KCNQ1: variants seen among roughly 807,000 people sequenced by gnomAD.
The protein encoded by KCNQ1 is potassium voltage-gated channel subfamily Q member 1.
A neutral mutation model predicts 72.4 loss-of-function variants in KCNQ1; 49 were observed. That is an observed-to-expected ratio of 0.68 (90% CI 0.54 to 0.86). The LOEUF (loss-of-function observed/expected upper bound fraction) is 0.86. Among genes scored for constraint, KCNQ1 ranks in the 40% least tolerant of loss-of-function variants. KCNQ1 has a pLI of 0.00. For missense variants in KCNQ1, 790 were observed against 945.1 expected (o/e 0.84, Z 2.15); for synonymous variants, 450 against 412.6 (o/e 1.09, Z -1.10).
rs1439289885 is a variant in KCNQ1, at chr11:2,643,849, T to C, written c.1394-18112T>C. The stretch of plus-strand genomic sequence containing the variant: ...TTATTTCTCCTTCATTTCTGACGAA[T>C]ATAACTTTGCTAAGTACAGTATTCC... On this transcript the variant is annotated intron_variant, in intron 10 of 15. Transcript: ENST00000155840. 7.5e-6 allele frequency: 3 copies of C among 398,468 alleles called. No individual in the cohort carries two copies. In the East Asian group the frequency reaches 1.1e-4, roughly 14 times the overall value. 24.7% of individuals were successfully genotyped at this position (398,468 alleles called of 1,614,324 possible).
intron 2 of KCNQ1, among the ~76,000 whole-genome samples, chr11:2,553,036 A>G (rs1030360013): frequency 6.6e-6 from 1 of 151,968 alleles, no homozygotes; most frequent in South Asian, 2.1e-4. Context: ...CTTTTGGATT[A>G]TTTGTTGCTA....
At position 2,777,921 on chromosome 11, in the gene KCNQ1, G is replaced by T; in HGVS notation, c.1733-55G>T. The stretch of plus-strand genomic sequence containing the variant: ...CACCCCACTTCCCAAGCCCAGCTGG[G>T]GTCCCCGGCCCACCCCAGCACTTGG... On this transcript the variant is annotated intron_variant, in intron 14 of 15. Transcript: ENST00000155840. The T allele has an allele frequency of 2.6e-6, 4 of 1,562,202 alleles. No individual in the cohort carries two copies. The South Asian group carries it at 4.4e-5, about 17-fold the overall frequency.
At position 2,722,681 on chromosome 11, in the gene KCNQ1, G is replaced by A. The variant is rs138426577; in HGVS notation, c.1515-46163G>A. On this transcript the variant is annotated intron_variant, in intron 11 of 15. Coordinates refer to ENST00000155840, the MANE Select transcript of KCNQ1 (RefSeq NM_000218.3). ...GGACCGAGAGTGCTTCCCTTCTCACGTGGTTGGGAGTCATGACCTGTTTAG... is the reference window on the plus strand; with the variant it reads ...GGACCGAGAGTGCTTCCCTTCTCACATGGTTGGGAGTCATGACCTGTTTAG... Among the ~76,000 whole-genome samples, 33 of 152,214 alleles carry A rather than the reference G, an allele frequency of 2.2e-4. No individual in the cohort carries two copies. The East Asian group carries it at 5.8e-3, about 27-fold the overall frequency.
chr11:2,576,251 C>T (rs759180415), intron 6 of KCNQ1, among the ~76,000 whole-genome samples: 15 of 152,206 alleles, frequency 9.9e-5, no homozygotes, highest in Non-Finnish European at 2.1e-4. Flanking sequence ...AGCTGTCCAG[C>T]GAAGGCGCCG....
intron 10 of KCNQ1, chr11:2,628,717 A>G (rs1849301835): frequency 5.0e-6 from 2 of 398,440 alleles, no homozygotes; most frequent in Non-Finnish European, 4.4e-6. Flanking sequence ...ACAAAAACCA[A>G]TGGCAAGGAG....
At position 2,570,572 on chromosome 11, in the gene KCNQ1, T is replaced by G. The variant is rs141367284; in HGVS notation, c.478-56T>G. On this transcript the variant is annotated intron_variant, in intron 2 of 15. Transcript: ENST00000155840. ...CTGGGTTCAAACAGGTTGCAGGGTC[T>G]GAAGCCACTCAAGGCCGAGCCTGCC... The G allele has an allele frequency of 9.9e-4, 1,589 of 1,604,804 alleles. 4 individuals are homozygous for G. Among genetic ancestry groups the G allele is most frequent in the African/African-American group, 8.8e-3 (660 of 74,950 alleles).
chr11:2,776,915 C>A, intron 13 of KCNQ1, 71 bp from the exon 14 acceptor site: 1 of 1,461,142 alleles, frequency 6.8e-7, no homozygotes, highest in Non-Finnish European at 9.6e-7. Flanking sequence ...AGCTGTCTGT[C>A]CCACAGACGA....
In KCNQ1 at chr11:2,830,666, C is replaced by A. The variant is rs1847930291; in HGVS notation, c.1795-17101C>A. ...CCTTCCTGGGTGGAGACCTTCCCAC[C>A]CTTCCACTCACCTTCCGAGCATTGT... On this transcript the variant is annotated intron_variant, in intron 15 of 15. Coordinates refer to ENST00000155840, the MANE Select transcript of KCNQ1 (RefSeq NM_000218.3). This position sits in a 1 kb window ranked among gnomAD's most constrained non-coding sequence, Gnocchi z 7.7. 6.6e-6 allele frequency among the ~76,000 whole-genome samples: 1 copy of A among 152,130 alleles called. No homozygotes were observed. The highest frequency in any genetic ancestry group is 6.5e-5 in the Admixed American group (1 of 15,282).
rs548782408 is a variant in KCNQ1, at chr11:2,657,683, C to G, written c.1394-4278C>G. The G allele has an allele frequency of 1.8e-5, 7 of 398,458 alleles. No homozygotes were observed. The allele number at this position is 398,458 out of a possible 1,614,324, so 24.7% of individuals were successfully genotyped here. On this transcript the variant is annotated intron_variant, in intron 10 of 15. Coordinates refer to ENST00000155840, the MANE Select transcript of KCNQ1 (RefSeq NM_000218.3). The surrounding 1 kb of genome is among the most constrained non-coding windows in gnomAD (Gnocchi z 4.8). ...CAGTTTAACTACTAATGTCCTTTTT[C>G]TGTTCCAAGATCCCATCTAGGATCG... is the stretch of plus-strand genomic sequence containing the variant.
intron 1 of KCNQ1, among the ~76,000 whole-genome samples, chr11:2,466,270 G>C (rs1050811964): frequency 2.0e-5 from 3 of 152,198 alleles, no homozygotes; most frequent in Non-Finnish European, 2.9e-5. Flanking sequence ...CTCCAAAGGG[G>C]AGGTGACACA....
At position 2,457,635 on chromosome 11, in the gene KCNQ1, G is replaced by C. The variant is rs906318193; in HGVS notation, c.386+12151G>C. Among the ~76,000 whole-genome samples, 8 of 151,764 alleles carry C rather than the reference G, an allele frequency of 5.3e-5. No homozygotes were observed. In the East Asian group the frequency reaches 1.2e-3, roughly 22 times the overall value. ...CACTGGGGAATACAAGAGTGGGGAG[G>C]GGGGAAGGGGAGCAAGGTTTGAAAA... On this transcript the variant is annotated intron_variant, in intron 1 of 15. Transcript: ENST00000155840. This position sits in a 1 kb window ranked among gnomAD's most constrained non-coding sequence, Gnocchi z 5.0.
rs1848391868 is a variant in KCNQ1, at chr11:2,848,619, C to G, written c.*616C>G. The G allele has an allele frequency of 2.2e-6, 1 of 452,928 alleles. No individual in the cohort carries two copies. 28.1% of individuals were successfully genotyped at this position (452,928 alleles called of 1,614,324 possible). ...GCTTCCAGCAGGAGGGACAGTCTCA[C>G]CATTTCCCCAGGGCACGTGGTTGAG... On this transcript the variant is annotated 3_prime_UTR_variant, in exon 16 of 16. Coordinates refer to ENST00000155840, the MANE Select transcript of KCNQ1 (RefSeq NM_000218.3).
intron 15 of KCNQ1, among the ~76,000 whole-genome samples, chr11:2,814,767 G>A (rs1031653461): frequency 2.6e-5 from 4 of 152,250 alleles, no homozygotes; most frequent in Non-Finnish European, 5.9e-5. Context: ...CCAAGTCCTC[G>A]AGGCTGGCAT....
intron 1 of KCNQ1, among the ~76,000 whole-genome samples, chr11:2,527,181 A>G (rs1400053642): frequency 6.6e-6 from 1 of 152,106 alleles, no homozygotes; most frequent in African/African-American, 2.4e-5. Context: ...CTTCCCTTTC[A>G]TGAGTTCTGT....
intron 15 of KCNQ1, among the ~76,000 whole-genome samples, chr11:2,821,018 C>G (rs1289070631): frequency 6.6e-6 from 1 of 152,252 alleles, no homozygotes; most frequent in Non-Finnish European, 1.5e-5. Context: ...GTTCCTTAAC[C>G]TGCCTTGCTT....
In KCNQ1 at chr11:2,470,774, G is replaced by A. The variant is rs150728057; in HGVS notation, c.386+25290G>A. Among the ~76,000 whole-genome samples the A allele has an allele frequency of 5.3e-3, 806 of 151,826 alleles. 3 individuals carry two copies. The highest frequency in any genetic ancestry group is 0.016 in the African/African-American group (660 of 41,360). ...AGACTGGTCTCAAAACCCTGGTCTC[G>A]ATCAATCCTCCCACCTCAGCCTCCC... On this transcript the variant is annotated intron_variant, in intron 1 of 15. Coordinates refer to ENST00000155840, the MANE Select transcript of KCNQ1 (RefSeq NM_000218.3).
In KCNQ1 at chr11:2,603,969, G is replaced by A. The variant is rs1362134003; in HGVS notation, c.1393+15115G>A. ...GCCTCCTAACCTGCTGGGACCACAGGCGTGAGCCACTGCACCCGGCCCTTG... is the reference window on the plus strand; with the variant it reads ...GCCTCCTAACCTGCTGGGACCACAGACGTGAGCCACTGCACCCGGCCCTTG... On this transcript the variant is annotated intron_variant, in intron 10 of 15. Coordinates refer to ENST00000155840, the MANE Select transcript of KCNQ1 (RefSeq NM_000218.3). The surrounding 1 kb of genome is among the most constrained non-coding windows in gnomAD (Gnocchi z 4.1). Among the ~76,000 whole-genome samples the A allele has an allele frequency of 6.6e-6, 1 of 152,108 alleles. No homozygotes were observed. Among genetic ancestry groups the A allele is most frequent in the Non-Finnish European group, 1.5e-5 (1 of 68,010 alleles).
intron 8 of KCNQ1, among the ~76,000 whole-genome samples, chr11:2,586,648 CTGTG>C (rs1336193158): frequency 1.3e-5 from 2 of 152,168 alleles, no homozygotes; most frequent in African/African-American, 4.8e-5. Context: ...AGTGCTCAGC[CTGTG>C]TGTGTAACAC....
rs1254008926 is a variant in KCNQ1 at position 2,710,221 on chromosome 11, G to A, written c.1514+48140G>A. ...TGATATCTCCTAGTGGTTTTGATTT[G>A]CATTTCCCCGATGACTAATGATGTT... On this transcript the variant is annotated intron_variant, in intron 11 of 15. Transcript: ENST00000155840. The surrounding 1 kb of genome is among the most constrained non-coding windows in gnomAD (Gnocchi z 4.1). 6.6e-6 allele frequency among the ~76,000 whole-genome samples: 1 copy of A among 152,106 alleles called. No homozygotes were observed. Among genetic ancestry groups the A allele is most frequent in the Non-Finnish European group, 1.5e-5 (1 of 68,010 alleles).
Sources: allele counts gnomAD v4.1 joint callset (sites outside exome capture counted in the v4.1 genomes callset), GRCh38; gene constraint gnomAD v4.1.1; non-coding constraint Gnocchi (gnomAD v3.1); transcripts MANE v1.5; gene names NCBI Gene and HGNC (gene_info 2026-07-23, HGNC 2026-07-21).